The following IPO9 variants were observed in gnomAD, a reference collection of about 807,000 sequenced individuals.
IPO9 encodes importin-9.
Under a neutral mutation model 128.6 loss-of-function variants are expected in IPO9, and 28 were observed. The observed-to-expected ratio is 0.22, with a 90% CI of 0.16 to 0.30. IPO9 has a LOEUF of 0.30. IPO9 is among the 10% of genes least tolerant of loss of function. The pLI is 1.00. For missense variants in IPO9, 935 were observed against 1,293.9 expected (o/e 0.72, Z 4.26); for synonymous variants, 455 against 475.8 (o/e 0.96, Z 0.57).
In IPO9 at chr1:201,853,045, A is replaced by C. The variant is rs1680254900; in HGVS notation, c.638A>C (p.Glu213Ala). 6.2e-7 allele frequency: 1 copy of C among 1,614,006 alleles called. No individual in the cohort carries two copies. Among genetic ancestry groups the C allele is most frequent in the African/African-American group, 1.3e-5 (1 of 74,906 alleles). The change falls in exon 6 of 24, where the codon GAG (glutamate) becomes GCG (alanine). Residue 213 changes from glutamate (E) to alanine (A), a missense_variant. Glu to Ala is a moderately radical substitution (Grantham distance 107). Transcript: ENST00000361565. ...ATTCGAACCCGTTCCCGAGCCGTGG[A>C]GATTTTTACCACTTGTGCCCATATG... is the stretch of plus-strand genomic sequence containing the variant. ...YGIRTRSRAV[E>A]IFTTCAHMIC...
chr1:201,879,138 A>G lies in IPO9; in HGVS notation c.*3084A>G, dbSNP rs1188511517. The G allele has an allele frequency of 6.6e-6, 1 of 152,208 alleles. No individual in the cohort carries two copies. The highest frequency in any genetic ancestry group is 1.9e-4 in the East Asian group (1 of 5,196). The allele number at this position is 152,208 out of a possible 1,614,324, so 9.4% of individuals were successfully genotyped here. ...CCCTAGGAAGGAAGCTGATAACACA[A>G]GTTACAGACGTATATGTGACATTGA... On this transcript the variant is annotated 3_prime_UTR_variant, in exon 24 of 24. Coordinates refer to ENST00000361565, the MANE Select transcript of IPO9 (RefSeq NM_018085.5).
chr1:201,865,737 C>T (rs1680542587), intron 14 of IPO9, among the ~76,000 whole-genome samples: 1 of 152,178 alleles, frequency 6.6e-6, no homozygotes, highest in Admixed American at 6.5e-5. Flanking sequence ...CGCCTCATTT[C>T]AATCAACAAA....
chr1:201,871,872 A>G (rs904358215), intron 19 of IPO9, among the ~76,000 whole-genome samples: 2 of 152,204 alleles, frequency 1.3e-5, no homozygotes, highest in Non-Finnish European at 2.9e-5. Flanking sequence ...GTCTCTGTTT[A>G]CAAGAGATCC....
chr1:201,874,181 G>A, intron 20 of IPO9, 69 bp from the exon 21 acceptor site: 2 of 1,561,966 alleles, frequency 1.3e-6, no homozygotes, highest in Non-Finnish European at 1.7e-6. Context: ...GCACTGAGGA[G>A]AGGACAGGGG....
chr1:201,882,442 A>G lies in IPO9; in HGVS notation c.*6388A>G, dbSNP rs1287923129. Reference sequence around the variant, plus strand: ...GCGACACTCTGCCTCAAAAAAAAAAAAAAACAAAAAAAAAAACAAGTTTTG... The same window carrying G: ...GCGACACTCTGCCTCAAAAAAAAAAGAAAACAAAAAAAAAAACAAGTTTTG... On this transcript the variant is annotated 3_prime_UTR_variant, in exon 24 of 24. Transcript: ENST00000361565. 1 of 133,250 alleles carries G rather than the reference A, an allele frequency of 7.5e-6. No homozygotes were observed. Among genetic ancestry groups the G allele is most frequent in the Non-Finnish European group, 1.5e-5 (1 of 67,218 alleles). The allele number at this position is 133,250 out of a possible 1,614,324, so 8.3% of individuals were successfully genotyped here. A position where few individuals can be genotyped will look rare whatever the true frequency, so the allele number is the denominator to read the frequency against.
chr1:201,852,594 G>A (rs955356549), intron 5 of IPO9, among the ~76,000 whole-genome samples: 5 of 152,126 alleles, frequency 3.3e-5, no homozygotes, highest in Non-Finnish European at 7.3e-5. Flanking sequence ...TTTGATTAGT[G>A]TGTATATGAA....
At position 201,871,261 on chromosome 1, in the gene IPO9, A is replaced by G; in HGVS notation, c.2510A>G (p.Glu837Gly). Residue 837 changes from glutamate (E) to glycine (G), a missense_variant, in exon 19 of 24, where the codon GAG becomes GGG. By Grantham distance (98) the Glu-to-Gly change is moderately conservative. Around this residue, in one of 3 missense-constraint regions of IPO9, gnomAD observed 6 missense variants for 28.1 expected, o/e 0.21. Transcript: ENST00000361565. ...LPGPTGKPAL[E>G]FVMAEWTSRQ... ...GGACCTACTGGCAAACCTGCTCTAG[A>G]GTTTGTGATGGCTGAGTGGACAAGC... 1 of 1,590,668 alleles carries G rather than the reference A, an allele frequency of 6.3e-7. No homozygotes were observed. The highest frequency in any genetic ancestry group is 8.6e-7 in the Non-Finnish European group (1 of 1,165,910).
intron 19 of IPO9, among the ~76,000 whole-genome samples, chr1:201,871,529 A>G (rs569823278): frequency 3.3e-5 from 5 of 151,442 alleles, no homozygotes; most frequent in Non-Finnish European, 7.4e-5. Flanking sequence ...AATATTACAC[A>G]CATGCACCAC....
Position 201,852,089 on chromosome 1 carries a change from C to T in IPO9, c.515-15C>T. 1 of 1,559,090 alleles carries T rather than the reference C, an allele frequency of 6.4e-7. No homozygotes were observed. Among genetic ancestry groups the T allele is most frequent in the African/African-American group, 1.4e-5 (1 of 73,678 alleles). ...CAGTATTTTTTTTTTAACAGTACTA[C>T]TTTTTTCTTTGTAGAATTCACTCGT... On this transcript the variant is annotated splice_polypyrimidine_tract_variant and intron_variant, in intron 4 of 23. Transcript: ENST00000361565.
At chr1:201,840,061 A>G (rs1043798373) in intron 1 of IPO9, among the ~76,000 whole-genome samples, 2 of 152,216 alleles carry the variant, frequency 1.3e-5, no homozygotes, top group African/African-American at 4.8e-5. Context: ...TGAATTAACC[A>G]TTTATCACCT....
Position 201,868,743 on chromosome 1 carries a change from C to A in IPO9, c.1951C>A (p.Leu651Met). ...AATGCAAATGAGGCTGATTCCCACT[C>A]TGGTCAGCATAATGCAGGCCCCAGC... Reference protein sequence around the residue: ...GPMQMRLIPTLVSIMQAPADK... With the variant: ...GPMQMRLIPTMVSIMQAPADK... Residue 651 changes from leucine (L) to methionine (M), a missense_variant, in exon 16 of 24, where the codon CTG becomes ATG. Physicochemically the swap from Leu to Met is conservative, Grantham distance 15. Around this residue, in one of 3 missense-constraint regions of IPO9, gnomAD observed 741 missense variants for 1,019.1 expected, o/e 0.73. Transcript: ENST00000361565. The A allele has an allele frequency of 6.2e-7, 1 of 1,614,054 alleles. No homozygotes were observed. Among genetic ancestry groups the A allele is most frequent in the Non-Finnish European group, 8.5e-7 (1 of 1,180,000 alleles).
At chr1:201,838,322 G>A (rs1679978009) in intron 1 of IPO9, among the ~76,000 whole-genome samples, 3 of 152,150 alleles carry the variant, frequency 2.0e-5, no homozygotes, top group South Asian at 4.1e-4. Context: ...CCTTTAAATG[G>A]ATTTCACATG....
At chr1:201,837,872 ACCAG>A (rs1679966621) in intron 1 of IPO9, among the ~76,000 whole-genome samples, 1 of 152,012 alleles carries the variant, frequency 6.6e-6, no homozygotes, top group Admixed American at 6.5e-5. Context: ...GGAGTTTGAG[ACCAG>A]CCTGACCAAC....
At chr1:201,835,664 A>G (rs1679907553) in intron 1 of IPO9, among the ~76,000 whole-genome samples, 1 of 152,266 alleles carries the variant, frequency 6.6e-6, no homozygotes. Flanking sequence ...TCAACTTCAT[A>G]GATTGAATGT....
rs1425117141 is a variant in IPO9 at position 201,863,605 on chromosome 1, G to T, written c.1626G>T (p.Trp542Cys). The T allele has an allele frequency of 6.3e-7, 1 of 1,584,486 alleles. No homozygotes were observed. Among genetic ancestry groups the T allele is most frequent in the Admixed American group, 1.7e-5 (1 of 59,702 alleles). The change falls in exon 14 of 24, where the codon TGG becomes TGT. Residue 542 changes from tryptophan to cysteine, a missense_variant and splice_region_variant. Trp to Cys is a radical substitution (Grantham distance 215, BLOSUM62 -2). Transcript: ENST00000361565. Reference sequence around the variant, plus strand: ...GAATTTCTGCAGTGAGAGCCATCTGGGGGTGAGTATGCTACCCTAGCGTGA... The same window carrying T: ...GAATTTCTGCAGTGAGAGCCATCTGTGGGTGAGTATGCTACCCTAGCGTGA... ...SVRISAVRAI[W>C]GYCDQLKVSE...
intron 4 of IPO9, chr1:201,850,905 A>G (rs1680202509): frequency 6.6e-6 from 1 of 152,194 alleles, no homozygotes; most frequent in African/African-American, 2.4e-5. Context: ...GTGGGGATTG[A>G]TATTGTTCAA....
intron 13 of IPO9, among the ~76,000 whole-genome samples, chr1:201,861,604 A>G (rs1451050683): frequency 1.3e-5 from 2 of 152,240 alleles, no homozygotes; most frequent in Non-Finnish European, 2.9e-5. Flanking sequence ...TTTATCAGGA[A>G]GTAACCCCAT....
chr1:201,866,523 A>G (rs1402055869), intron 14 of IPO9, among the ~76,000 whole-genome samples: 1 of 152,092 alleles, frequency 6.6e-6, no homozygotes, highest in Non-Finnish European at 1.5e-5. Context: ...TTTAAAGAAA[A>G]TAGCAAAAGT....
At chr1:201,860,106 C>T (rs1680415968) in intron 13 of IPO9, among the ~76,000 whole-genome samples, 1 of 152,198 alleles carries the variant, frequency 6.6e-6, no homozygotes, top group African/African-American at 2.4e-5. Context: ...GCCAGATCAC[C>T]ATCCGAAAAC....
Sources: allele counts gnomAD v4.1 joint callset (sites outside exome capture counted in the v4.1 genomes callset), GRCh38; gene constraint gnomAD v4.1.1; regional missense constraint gnomAD v4.1.1; transcripts MANE v1.5; gene names NCBI Gene and HGNC (gene_info 2026-07-23, HGNC 2026-07-21).